Variants in DOCK5 observed in about 807,000 individuals in gnomAD.
DOCK5 encodes the protein dedicator of cytokinesis protein 5.
In DOCK5, 142 loss-of-function variants were observed where a neutral mutation model predicts 251.8. The observed-to-expected ratio is 0.56, with a 90% CI of 0.49 to 0.65. The LOEUF is 0.65. Among genes scored for constraint, DOCK5 ranks in the 30% least tolerant of loss-of-function variants. DOCK5 has a pLI of 0.00. For missense variants in DOCK5, 2,111 were observed against 2,312.3 expected (o/e 0.91, Z 1.79); for synonymous variants, 842 against 835.5 (o/e 1.01, Z -0.13).
At chr8:25,377,175 G>A in intron 37 of DOCK5, 130 bp from the exon 38 acceptor site, 1 of 1,278,404 alleles carries the variant, frequency 7.8e-7, no homozygotes, top group South Asian at 1.7e-5. Context: ...GTGTGTATAT[G>A]TAACTTTTGT....
rs1563309339 is a variant in DOCK5, at chr8:25,210,129, TATCTATCG to T, written c.43+25180_43+25187del. ...CTATCTATCTATCTATCTATCTATC[TATCTATCG>T]AGTAGAGATGGGGCCTTGCTATTTT... On this transcript the variant is annotated intron_variant, in intron 1 of 51. Transcript: ENST00000276440. Among the ~76,000 whole-genome samples the T allele has an allele frequency of 4.4e-5, 2 of 45,234 alleles. 1 individual carries two copies. Among genetic ancestry groups the T allele is most frequent in the Non-Finnish European group, 1.5e-4 (2 of 13,618 alleles). The allele number at this position is 45,234 out of a possible 152,430, so 29.7% of individuals were successfully genotyped here.
At chr8:25,233,770 TTTA>T (rs1802729315) in intron 1 of DOCK5, among the ~76,000 whole-genome samples, 1 of 152,240 alleles carries the variant, frequency 6.6e-6, no homozygotes, top group Non-Finnish European at 1.5e-5. Context: ...AAAATTTTGT[TTTA>T]TTTTTAATTT....
At chr8:25,304,560 A>C in intron 11 of DOCK5, 1 of 454,416 alleles carries the variant, frequency 2.2e-6, no homozygotes, top group South Asian at 4.3e-5. Context: ...CATCAAAGGA[A>C]TATAAAAGGG....
intron 1 of DOCK5, among the ~76,000 whole-genome samples, chr8:25,236,401 C>G (rs1029758741): frequency 2.0e-5 from 3 of 152,028 alleles, no homozygotes; most frequent in Admixed American, 1.3e-4. Flanking sequence ...TTTTCTTGTC[C>G]TTATAGTACA....
At chr8:25,344,709 A>G (rs1007543768) in intron 25 of DOCK5, among the ~76,000 whole-genome samples, 6 of 152,248 alleles carry the variant, frequency 3.9e-5, no homozygotes, top group African/African-American at 1.4e-4. Context: ...GTGAATGCTC[A>G]TAAGTAGAAA....
intron 41 of DOCK5, 88 bp downstream of exon 41, chr8:25,389,320 C>T: frequency 1.3e-6 from 2 of 1,486,380 alleles, no homozygotes; most frequent in Non-Finnish European, 1.8e-6. Flanking sequence ...GCTACAGTCC[C>T]TTCTCTGCAG....
chr8:25,327,573 G>T (rs1166885592), intron 18 of DOCK5, among the ~76,000 whole-genome samples: 3 of 152,170 alleles, frequency 2.0e-5, no homozygotes, highest in Non-Finnish European at 4.4e-5. Context: ...TGTCAAAAAT[G>T]TAGGGTTTCC....
chr8:25,252,930 C>T (rs1031942112), intron 2 of DOCK5, among the ~76,000 whole-genome samples: 41 of 152,268 alleles, frequency 2.7e-4, no homozygotes, highest in African/African-American at 9.4e-4. Context: ...CTGCTGGGTT[C>T]AAGTGATTTT....
chr8:25,187,770 A>G (rs1004667066), intron 1 of DOCK5, among the ~76,000 whole-genome samples: 1 of 152,096 alleles, frequency 6.6e-6, no homozygotes, highest in Non-Finnish European at 1.5e-5. Context: ...GTTGTGCAAC[A>G]TACCCTGCAG....
chr8:25,282,547 A>C (rs1293079562), intron 5 of DOCK5, among the ~76,000 whole-genome samples: 2 of 152,126 alleles, frequency 1.3e-5, no homozygotes, highest in African/African-American at 4.8e-5. Context: ...ACAACACCAG[A>C]CGCTCTGTTT....
chr8:25,191,840 A>G (rs1801589329), intron 1 of DOCK5, among the ~76,000 whole-genome samples: 1 of 152,064 alleles, frequency 6.6e-6, no homozygotes, highest in African/African-American at 2.4e-5. Context: ...TTACATATGT[A>G]TACATGTGCC....
intron 27 of DOCK5, among the ~76,000 whole-genome samples, chr8:25,358,530 C>T (rs1161527665): frequency 6.6e-6 from 1 of 152,174 alleles, no homozygotes; most frequent in Admixed American, 6.5e-5. Flanking sequence ...TTGCCCTCCT[C>T]TCCTTCATGC....
At chr8:25,265,899 T>C (rs1229219040) in intron 2 of DOCK5, among the ~76,000 whole-genome samples, 1 of 151,890 alleles carries the variant, frequency 6.6e-6, no homozygotes, top group African/African-American at 2.4e-5. Context: ...CTCTCTGTTA[T>C]TTTCAGTTGG....
intron 47 of DOCK5, 145 bp downstream of exon 47, chr8:25,401,211 C>T: frequency 8.4e-7 from 1 of 1,196,614 alleles, no homozygotes; most frequent in Admixed American, 2.1e-5. Flanking sequence ...GAGTGTGTTC[C>T]CCTCTTGGTG....
rs73673873 is a variant in DOCK5, at chr8:25,251,189, G to A, written c.127+7432G>A. 3.6e-3 allele frequency among the ~76,000 whole-genome samples: 544 copies of A among 152,242 alleles called. 2 individuals carry two copies. Among genetic ancestry groups the A allele is most frequent in the African/African-American group, 0.011 (446 of 41,540 alleles). ...CACTCACAAGCTCACGAGAAAGGGCGGCTGGTATGCTGGTGTTAGCAGTGA... is the reference window on the plus strand; with the variant it reads ...CACTCACAAGCTCACGAGAAAGGGCAGCTGGTATGCTGGTGTTAGCAGTGA... On this transcript the variant is annotated intron_variant, in intron 2 of 51. Transcript: ENST00000276440.
chr8:25,360,741 A>G (rs558408292), intron 28 of DOCK5, among the ~76,000 whole-genome samples: 1 of 152,306 alleles, frequency 6.6e-6, no homozygotes, highest in African/African-American at 2.4e-5. Flanking sequence ...TAATTGTATT[A>G]TTATTGCTAT....
At chr8:25,283,806 C>T (rs148518776) in intron 5 of DOCK5, among the ~76,000 whole-genome samples, 236 of 152,218 alleles carry the variant, frequency 1.6e-3, no homozygotes, top group African/African-American at 5.2e-3. Flanking sequence ...CCAGGAGGCC[C>T]GGGTCATTCC....
chr8:25,238,672 C>T (rs539539281), intron 1 of DOCK5, among the ~76,000 whole-genome samples: 7 of 152,238 alleles, frequency 4.6e-5, no homozygotes, highest in South Asian at 2.1e-4. Flanking sequence ...TTTTAGTAAC[C>T]CTTTCTTGAG....
At chr8:25,342,707 T>TG (rs2117234030) in intron 25 of DOCK5, among the ~76,000 whole-genome samples, 200 bp downstream of exon 25, 1 of 123,398 alleles carries the variant, frequency 8.1e-6, no homozygotes, top group African/African-American at 3.1e-5. Flanking sequence ...TTTTTTTTTT[T>TG]TTTTTTTTTG....
Sources: gnomAD v4.1 joint callset for allele counts (sites outside exome capture counted in the v4.1 genomes callset) on GRCh38, gnomAD v4.1.1 for gene constraint, MANE v1.5 for transcripts, NCBI Gene and HGNC (gene_info 2026-07-23, HGNC 2026-07-21) for gene names.